Variants in CNTNAP2 observed in about 807,000 individuals in gnomAD.
CNTNAP2 encodes the protein contactin-associated protein-like 2.
A neutral mutation model predicts 155.2 loss-of-function variants in CNTNAP2; 98 were observed. That is an observed-to-expected ratio of 0.63 (90% CI 0.54 to 0.75). CNTNAP2 has a LOEUF of 0.75. Ranked by LOEUF, CNTNAP2 falls within the 30% of genes least tolerant of loss-of-function variation. The pLI, the probability that CNTNAP2 is intolerant of heterozygous loss-of-function variation, is 0.00. For synonymous variants in CNTNAP2, 651 were observed against 631.2 expected (o/e 1.03, Z -0.47); for missense variants, 1,727 against 1,688.1 (o/e 1.02, Z -0.40).
At chr7:147,804,065 T>A (rs1798049095) in intron 13 of CNTNAP2, among the ~76,000 whole-genome samples, 1 of 152,226 alleles carries the variant, frequency 6.6e-6, no homozygotes, top group South Asian at 2.1e-4. Flanking sequence ...CTTCTGAGTT[T>A]TTCAATTTAT....
intron 13 of CNTNAP2, among the ~76,000 whole-genome samples, chr7:147,705,257 CA>C (rs1490520027): frequency 3.9e-5 from 6 of 152,018 alleles, no homozygotes; most frequent in Non-Finnish European, 8.8e-5. Flanking sequence ...TTTTGACTTG[CA>C]TTTGTTTCAA....
chr7:147,562,134 C>G lies in CNTNAP2; in HGVS notation c.1778-4C>G. On this transcript the variant is annotated splice_region_variant and splice_polypyrimidine_tract_variant and intron_variant, in intron 11 of 23. Transcript: ENST00000361727. ...GCTTATGTAGGATATTTTGTTTGTT[C>G]TAGCTATCTACGAGCCTTCCTGTGA... 3 of 1,613,838 alleles carry G rather than the reference C, an allele frequency of 1.9e-6. No homozygotes were observed. Among genetic ancestry groups the G allele is most frequent in the Non-Finnish European group, 2.5e-6 (3 of 1,179,822 alleles).
chr7:148,131,260 C>A (rs562560826), intron 16 of CNTNAP2, among the ~76,000 whole-genome samples: 2 of 151,628 alleles, frequency 1.3e-5, no homozygotes, highest in Middle Eastern at 3.4e-3. Context: ...CACCACGCCT[C>A]GCTAATTTTT....
At chr7:146,754,296 A>G (rs1585074502) in intron 1 of CNTNAP2, among the ~76,000 whole-genome samples, 1 of 152,056 alleles carries the variant, frequency 6.6e-6, no homozygotes, top group Non-Finnish European at 1.5e-5. Context: ...GATAGGTAGC[A>G]TGTATAGTTA....
chr7:146,158,367 G>A (rs1390962367), intron 1 of CNTNAP2, among the ~76,000 whole-genome samples: 1 of 152,188 alleles, frequency 6.6e-6, no homozygotes, highest in Admixed American at 6.5e-5. Context: ...GCCAGCAATG[G>A]GACAAAGCTG....
At chr7:147,042,894 C>A (rs867442386) in intron 3 of CNTNAP2, among the ~76,000 whole-genome samples, 25 of 151,898 alleles carry the variant, frequency 1.6e-4, no homozygotes, top group African/African-American at 6.0e-4. Context: ...TTAAATAAAT[C>A]GAAAAGAGAA....
chr7:146,223,371 G>A (rs1190656629), intron 1 of CNTNAP2, among the ~76,000 whole-genome samples: 1 of 152,204 alleles, frequency 6.6e-6, no homozygotes. Context: ...AAGGCAACAG[G>A]TCTTCTTGGG....
At chr7:148,112,171 G>C (rs1029571089) in intron 15 of CNTNAP2, among the ~76,000 whole-genome samples, 1 of 152,152 alleles carries the variant, frequency 6.6e-6, no homozygotes, top group Non-Finnish European at 1.5e-5. Flanking sequence ...TGCTGTGTTA[G>C]AGAATCTGGA....
chr7:148,304,283 A>G (rs1324661623), intron 21 of CNTNAP2, among the ~76,000 whole-genome samples: 1 of 148,936 alleles, frequency 6.7e-6, no homozygotes, highest in African/African-American at 2.4e-5. Flanking sequence ...CTGGAAAAAA[A>G]TGTCTGCTGC....
chr7:147,512,068 A>G (rs1177349059), intron 11 of CNTNAP2, among the ~76,000 whole-genome samples: 1 of 152,216 alleles, frequency 6.6e-6, no homozygotes, highest in Non-Finnish European at 1.5e-5. Context: ...AACTGGACAC[A>G]TTTTTGAGAG....
At chr7:147,723,201 T>A (rs147652414) in intron 13 of CNTNAP2, among the ~76,000 whole-genome samples, 5 of 152,180 alleles carry the variant, frequency 3.3e-5, no homozygotes, top group Non-Finnish European at 7.4e-5. Flanking sequence ...TTATTTAAGT[T>A]GAAGATATTT....
chr7:146,701,114 A>G (rs963464180), intron 1 of CNTNAP2, among the ~76,000 whole-genome samples: 2 of 152,190 alleles, frequency 1.3e-5, no homozygotes, highest in African/African-American at 4.8e-5. Flanking sequence ...TTCCTTTAGT[A>G]GAAAAAATAA....
chr7:146,355,552 A>G (rs904830204), intron 1 of CNTNAP2, among the ~76,000 whole-genome samples: 1 of 152,186 alleles, frequency 6.6e-6, no homozygotes, highest in African/African-American at 2.4e-5. Flanking sequence ...CATTGTGACA[A>G]TAAGTCTCTT....
At chr7:147,474,028 G>A (rs535499629) in intron 10 of CNTNAP2, among the ~76,000 whole-genome samples, 5 of 151,866 alleles carry the variant, frequency 3.3e-5, no homozygotes, top group Admixed American at 6.6e-5. Context: ...GTGGTGAGCC[G>A]AGATCGCACC....
chr7:147,121,433 A>G, intron 6 of CNTNAP2: 1 of 352,394 alleles, frequency 2.8e-6, no homozygotes, highest in Admixed American at 4.6e-5. Flanking sequence ...TAATAAATTC[A>G]GAATAAATTT....
chr7:147,799,757 A>G (rs766044491), intron 13 of CNTNAP2, among the ~76,000 whole-genome samples: 4 of 152,204 alleles, frequency 2.6e-5, no homozygotes, highest in Non-Finnish European at 4.4e-5. Context: ...GTAAACCTCT[A>G]TGGTTCAAAT....
rs181565202 is a variant in CNTNAP2 at position 146,439,853 on chromosome 7, G to T, written c.97+322880G>T. On this transcript the variant is annotated intron_variant, in intron 1 of 23. Coordinates refer to ENST00000361727, the MANE Select transcript of CNTNAP2 (RefSeq NM_014141.6). ...AAATAATCTCTCTCGGATAGGCGTG[G>T]TGGCTCACACCTGTAATCTCAGCAC... is the stretch of plus-strand genomic sequence containing the variant. Among the ~76,000 whole-genome samples the T allele has an allele frequency of 1.8e-4, 28 of 151,662 alleles. No homozygotes were observed. The East Asian group carries it at 4.6e-3, about 25-fold the overall frequency.
chr7:146,864,511 TTGAA>T (rs1158144409), intron 3 of CNTNAP2, among the ~76,000 whole-genome samples: 1 of 152,170 alleles, frequency 6.6e-6, no homozygotes, highest in Admixed American at 6.6e-5. Context: ...TTATTGATTT[TTGAA>T]TGAGAAAAAG....
At chr7:146,913,569 G>A (rs904342181) in intron 3 of CNTNAP2, among the ~76,000 whole-genome samples, 3 of 152,006 alleles carry the variant, frequency 2.0e-5, no homozygotes, top group African/African-American at 7.2e-5. Context: ...TTTCGGCAAG[G>A]AGACTGCCAA....
Sources: gnomAD v4.1 joint callset for allele counts (sites outside exome capture counted in the v4.1 genomes callset) on GRCh38, gnomAD v4.1.1 for gene constraint, MANE v1.5 for transcripts, NCBI Gene and HGNC (gene_info 2026-07-23, HGNC 2026-07-21) for gene names.